FBN2: variants seen among roughly 807,000 people sequenced by gnomAD.
The protein encoded by FBN2 is fibrillin 2, also known as fibrillin-2.
FBN2 carries 105 observed loss-of-function variants against 355.6 expected under a neutral mutation model. The observed-to-expected ratio is 0.30, with a 90% CI of 0.25 to 0.35. The LOEUF is 0.35. FBN2 is among the 10% of genes least tolerant of loss of function. The pLI, the probability that FBN2 is intolerant of heterozygous loss-of-function variation, is 1.00. For synonymous variants in FBN2, 1,350 were observed against 1,301.2 expected, an observed-to-expected ratio of 1.04 and a Z score of -0.81; for missense variants, 3,280 against 3,758.7, an observed-to-expected ratio of 0.87 and a Z score of 3.33.
chr5:128,386,524 A>G (rs1752370064), intron 11 of FBN2, among the ~76,000 whole-genome samples: 1 of 152,114 alleles, frequency 6.6e-6, no homozygotes, highest in African/African-American at 2.4e-5. Context: ...TTGGTTCCAC[A>G]TGAATTTTAA....
chr5:128,442,329 C>G (rs1753944232), intron 7 of FBN2: 2 of 456,536 alleles, frequency 4.4e-6, no homozygotes, highest in African/African-American at 4.0e-5. Context: ...AAGGGAGGAT[C>G]ACGCAAGGAC....
At chr5:128,403,034 C>T (rs1752836940) in intron 8 of FBN2, among the ~76,000 whole-genome samples, 1 of 152,138 alleles carries the variant, frequency 6.6e-6, no homozygotes, top group African/African-American at 2.4e-5. Flanking sequence ...TATCCTCATA[C>T]TCTTTCATTT....
intron 5 of FBN2, among the ~76,000 whole-genome samples, chr5:128,485,634 C>T (rs1015379504): frequency 6.6e-6 from 1 of 151,826 alleles, no homozygotes; most frequent in Non-Finnish European, 1.5e-5. Context: ...ATGGAAATAC[C>T]GGATACAGTA....
chr5:128,332,218 G>A (rs764320758), intron 32 of FBN2, among the ~76,000 whole-genome samples: 7 of 152,172 alleles, frequency 4.6e-5, no homozygotes, highest in Non-Finnish European at 8.8e-5. Flanking sequence ...GGGGAAGTGA[G>A]TTTAGCTTGC....
intron 1 of FBN2, 86 bp from the exon 2 acceptor site, chr5:128,536,570 G>T: frequency 2.2e-6 from 2 of 905,582 alleles, no homozygotes; most frequent in Non-Finnish European, 3.6e-6. Flanking sequence ...TGCCCCGAGC[G>T]AGTAGATTTC....
At chr5:128,424,839 T>G (rs1204309753) in intron 7 of FBN2, among the ~76,000 whole-genome samples, 1 of 152,184 alleles carries the variant, frequency 6.6e-6, no homozygotes, top group Non-Finnish European at 1.5e-5. Context: ...TCCATCACAG[T>G]GCTTTTTAAC....
intron 5 of FBN2, among the ~76,000 whole-genome samples, chr5:128,499,448 G>C (rs533934434): frequency 5.9e-5 from 9 of 152,058 alleles, no homozygotes; most frequent in Non-Finnish European, 1.2e-4. Context: ...GCTAATGTTT[G>C]GCCATGGGTC....
chr5:128,335,292 A>G lies in FBN2; in HGVS notation c.3851T>C (p.Ile1284Thr), dbSNP rs1441091414. The G allele has an allele frequency of 3.1e-6, 5 of 1,614,092 alleles. No homozygotes were observed. The highest frequency in any genetic ancestry group is 4.2e-6 in the Non-Finnish European group (5 of 1,179,904). The change falls in exon 30 of 65, where the codon ATT (isoleucine) becomes ACT (threonine). Residue 1284 changes from isoleucine to threonine, a missense_variant. This residue lies in a region of FBN2 where 2,284 missense variants were observed against 2,749.5 expected (regional missense o/e 0.83). Transcript: ENST00000262464. The stretch of plus-strand genomic sequence containing the variant: ...ATCAGGATTGTTTTCACATTCATCA[A>G]TGTCTGATGATACAAAATTAGCATC... ...LMPDGRSCAD[I>T]DECENNPDIC...
chr5:128,349,129 T>C (rs554264276), intron 23 of FBN2, among the ~76,000 whole-genome samples: 68 of 152,340 alleles, frequency 4.5e-4, no homozygotes, highest in African/African-American at 1.5e-3. Flanking sequence ...GATTTTGAGA[T>C]AGATTTTTGA....
intron 4 of FBN2, among the ~76,000 whole-genome samples, chr5:128,521,430 G>A (rs1398478582): frequency 6.6e-6 from 1 of 152,104 alleles, no homozygotes; most frequent in East Asian, 1.9e-4. Context: ...TTAATACCTA[G>A]GTGATAGGTT....
At chr5:128,380,491 G>T (rs185158117) in intron 11 of FBN2, among the ~76,000 whole-genome samples, 1 of 152,066 alleles carries the variant, frequency 6.6e-6, no homozygotes, top group East Asian at 1.9e-4. Flanking sequence ...TGCTCCTAAG[G>T]CTCCTTGTTA....
At chr5:128,260,037 AC>A (rs1764926722) in intron 64 of FBN2, among the ~76,000 whole-genome samples, 1 of 152,082 alleles carries the variant, frequency 6.6e-6, no homozygotes, top group Admixed American at 6.6e-5. Context: ...CATCGAGAAT[AC>A]CCTGTAAATC....
intron 5 of FBN2, among the ~76,000 whole-genome samples, chr5:128,500,430 C>CTTTTTTTTTTTTTT (rs149068555): frequency 2.0e-5 from 1 of 51,192 alleles, no homozygotes; most frequent in Non-Finnish European, 3.4e-5. Flanking sequence ...TCTGACAATT[C>CTTTTTTTTTTTTTT]TTTTTTTTTT....
At chr5:128,517,150 C>G (rs889970197) in intron 5 of FBN2, among the ~76,000 whole-genome samples, 2 of 152,126 alleles carry the variant, frequency 1.3e-5, no homozygotes, top group African/African-American at 4.8e-5. Context: ...TTAGTAAGGA[C>G]TAACAAATCT....
Position 128,537,563 on chromosome 5 carries a change from A to G in FBN2, c.41T>C (p.Leu14Pro). The change falls in exon 1 of 65, where the codon CTG (leucine) becomes CCG (proline). Residue 14 changes from leucine (L) to proline (P), a missense_variant. Physicochemically the swap from Leu to Pro is moderately conservative, Grantham distance 98. Coordinates refer to ENST00000262464, the MANE Select transcript of FBN2 (RefSeq NM_001999.4). ...RRRLCLQLYF[L>P]WLGCVVLWAQ... is the part of the protein sequence containing the mutation. ...CCAGAGCACCACACAGCCCAGCCACAGGAAGTAGAGCTGGAGACACAGCCT... is the reference window on the plus strand; with the variant it reads ...CCAGAGCACCACACAGCCCAGCCACGGGAAGTAGAGCTGGAGACACAGCCT... The G allele has an allele frequency of 6.2e-7, 1 of 1,604,524 alleles. No homozygotes were observed. The highest frequency in any genetic ancestry group is 8.5e-7 in the Non-Finnish European group (1 of 1,177,012).
At chr5:128,413,183 A>T (rs879473157) in intron 7 of FBN2, among the ~76,000 whole-genome samples, 27 of 152,228 alleles carry the variant, frequency 1.8e-4, no homozygotes, top group Non-Finnish European at 3.8e-4. Context: ...AAAGATGGAC[A>T]TTTGTGGTTT....
chr5:128,287,584 C>T (rs1232795208), intron 53 of FBN2, among the ~76,000 whole-genome samples, 154 bp from the exon 54 acceptor site: 1 of 152,162 alleles, frequency 6.6e-6, no homozygotes, highest in Non-Finnish European at 1.5e-5. Flanking sequence ...CTAACAAACT[C>T]ATCTTTAAAA....
chr5:128,489,302 T>C (rs1302419830), intron 5 of FBN2, among the ~76,000 whole-genome samples: 3 of 152,172 alleles, frequency 2.0e-5, no homozygotes, highest in African/African-American at 4.8e-5. Flanking sequence ...TGTTACAAAT[T>C]TAGTTTGGAT....
At chr5:128,476,749 G>A (rs950386494) in intron 5 of FBN2, among the ~76,000 whole-genome samples, 18 of 152,076 alleles carry the variant, frequency 1.2e-4, no homozygotes, top group Non-Finnish European at 2.2e-4. Flanking sequence ...AACAGAGAAT[G>A]TATATTCTAC....
Sources: gnomAD v4.1 joint callset for allele counts (sites outside exome capture counted in the v4.1 genomes callset) on GRCh38, gnomAD v4.1.1 for gene constraint, gnomAD v4.1.1 regional missense constraint, MANE v1.5 for transcripts, NCBI Gene and HGNC (gene_info 2026-07-23, HGNC 2026-07-21) for gene names.